Variants in GMDS observed in about 807,000 individuals in gnomAD.
The protein encoded by GMDS is GDP-mannose 4,6-dehydratase.
GMDS carries 20 observed loss-of-function variants against 49.9 expected under a neutral mutation model. That is an observed-to-expected ratio of 0.40 (90% CI 0.28 to 0.58). The LOEUF (loss-of-function observed/expected upper bound fraction) is 0.58, where lower values mean the gene tolerates loss of function less well. GMDS is among the 20% of genes least tolerant of loss of function. GMDS has a pLI of 0.42. For missense variants in GMDS, 362 were observed against 481.4 expected (o/e 0.75, Z 2.32); for synonymous variants, 177 against 178.6 (o/e 0.99, Z 0.07).
intron 7 of GMDS, among the ~76,000 whole-genome samples, chr6:1,847,282 C>G (rs1015758799): frequency 6.6e-6 from 1 of 152,136 alleles, no homozygotes; most frequent in African/African-American, 2.4e-5. Flanking sequence ...TCTGAAACTC[C>G]TGGGCTCAAG....
intron 7 of GMDS, among the ~76,000 whole-genome samples, chr6:1,812,671 C>T (rs1770487255): frequency 1.3e-5 from 2 of 152,096 alleles, no homozygotes; most frequent in South Asian, 2.1e-4. Flanking sequence ...CCGACTGATT[C>T]AGGATCTGCA....
chr6:1,693,153 T>C (rs1199547320), intron 9 of GMDS, among the ~76,000 whole-genome samples: 6 of 152,224 alleles, frequency 3.9e-5, no homozygotes, highest in African/African-American at 1.4e-4. Flanking sequence ...CTGTGGATTT[T>C]AATCTTTTCC....
chr6:1,978,164 A>G (rs1412272391), intron 4 of GMDS, among the ~76,000 whole-genome samples: 1 of 152,040 alleles, frequency 6.6e-6, no homozygotes, highest in African/African-American at 2.4e-5. Context: ...TGGAGAGTCC[A>G]AAGGGTCCCA....
At chr6:1,676,335 A>G (rs1764623026) in intron 9 of GMDS, among the ~76,000 whole-genome samples, 1 of 152,262 alleles carries the variant, frequency 6.6e-6, no homozygotes, top group Non-Finnish European at 1.5e-5. Flanking sequence ...AAGAATCAAT[A>G]TCGTGAAAAT....
intron 7 of GMDS, among the ~76,000 whole-genome samples, chr6:1,747,412 CTGGTGCTT>C (rs1292218377): frequency 6.6e-6 from 1 of 150,558 alleles, no homozygotes; most frequent in Non-Finnish European, 1.5e-5. Context: ...CTTTTTCACC[CTGGTGCTT>C]TTGTGCTTTA....
chr6:1,959,335 A>G (rs538819281), intron 6 of GMDS, among the ~76,000 whole-genome samples: 88 of 152,334 alleles, frequency 5.8e-4, no homozygotes, highest in African/African-American at 2.1e-3. Context: ...TACTCCATAA[A>G]AATGTGTCAA....
At chr6:1,721,541 G>C (rs1424107916) in intron 9 of GMDS, among the ~76,000 whole-genome samples, 1 of 152,056 alleles carries the variant, frequency 6.6e-6, no homozygotes, top group Non-Finnish European at 1.5e-5. Context: ...AAAAATACTT[G>C]ATTTGGGTCT....
intron 7 of GMDS, among the ~76,000 whole-genome samples, chr6:1,826,875 T>G (rs1208115064): frequency 1.3e-5 from 2 of 151,972 alleles, no homozygotes; most frequent in Non-Finnish European, 2.9e-5. Flanking sequence ...GAGAGTAGTC[T>G]GTGCAGCATA....
chr6:1,948,304 A>G (rs533120151), intron 6 of GMDS, among the ~76,000 whole-genome samples: 1 of 152,352 alleles, frequency 6.6e-6, no homozygotes, highest in East Asian at 1.9e-4. Flanking sequence ...TCAAAAACTT[A>G]AGAATGTTAT....
rs374799698 is a variant in GMDS, at chr6:1,861,244, G to A, written c.771+68859C>T. Among the ~76,000 whole-genome samples, 4 of 152,316 alleles carry A rather than the reference G, an allele frequency of 2.6e-5. No individual in the cohort carries two copies. In the East Asian group the frequency reaches 5.8e-4, roughly 22 times the overall value. ...TGACATCTCTAAAGTTCTGGGCTCA[G>A]TCCTGTGTTGAGTTAGTGTTCATTC... On this transcript the variant is annotated intron_variant, in intron 7 of 10. Transcript: ENST00000380815.
intron 7 of GMDS, among the ~76,000 whole-genome samples, chr6:1,852,619 T>A (rs1257798651): frequency 6.6e-6 from 1 of 152,126 alleles, no homozygotes; most frequent in Non-Finnish European, 1.5e-5. Context: ...TTTCTTAGTG[T>A]CTTTTTTTTT....
At chr6:2,124,435 G>A (rs111850484) in intron 2 of GMDS, among the ~76,000 whole-genome samples, 20 of 152,288 alleles carry the variant, frequency 1.3e-4, no homozygotes, top group African/African-American at 4.6e-4. Flanking sequence ...CTGCGTTATC[G>A]GAGAATGTGG....
At chr6:1,922,200 A>T (rs1372821484) in intron 7 of GMDS, among the ~76,000 whole-genome samples, 1 of 152,208 alleles carries the variant, frequency 6.6e-6, no homozygotes, top group Admixed American at 6.5e-5. Context: ...TGCTAGGAAG[A>T]CAGGAACGAT....
intron 7 of GMDS, among the ~76,000 whole-genome samples, chr6:1,919,418 T>C (rs1238185836): frequency 6.6e-6 from 1 of 152,368 alleles, no homozygotes; most frequent in African/African-American, 2.4e-5. Context: ...AATTTCCATA[T>C]GAGGCTTAGG....
At chr6:1,949,794 GGACA>G (rs1259332659) in intron 6 of GMDS, among the ~76,000 whole-genome samples, 2 of 152,128 alleles carry the variant, frequency 1.3e-5, no homozygotes, top group East Asian at 1.9e-4. Flanking sequence ...AACCATTTAT[GGACA>G]GACAAATGGT....
At chr6:1,790,766 A>G (rs1233770612) in intron 7 of GMDS, among the ~76,000 whole-genome samples, 2 of 152,194 alleles carry the variant, frequency 1.3e-5, no homozygotes, top group East Asian at 3.8e-4. Context: ...ATTGACAACA[A>G]TCGTGATACT....
At chr6:1,687,106 G>A (rs1016720366) in intron 9 of GMDS, among the ~76,000 whole-genome samples, 3 of 152,130 alleles carry the variant, frequency 2.0e-5, no homozygotes, top group African/African-American at 7.2e-5. Flanking sequence ...TCCAGGACAA[G>A]AGGCGCCACC....
At chr6:1,728,945 T>TA (rs1403274959) in intron 8 of GMDS, among the ~76,000 whole-genome samples, 1,884 of 135,498 alleles carry the variant, frequency 0.014, 14 homozygotes, top group Middle Eastern at 0.044. Context: ...TCCAGGACAG[T>TA]AAAAAAAAAA....
At chr6:1,690,315 T>C (rs1765128861) in intron 9 of GMDS, among the ~76,000 whole-genome samples, 1 of 152,226 alleles carries the variant, frequency 6.6e-6, no homozygotes, top group Non-Finnish European at 1.5e-5. Flanking sequence ...CTATGTATGG[T>C]ATTGCCTAGA....
Sources: allele counts gnomAD v4.1 joint callset (sites outside exome capture counted in the v4.1 genomes callset), GRCh38; gene constraint gnomAD v4.1.1; transcripts MANE v1.5; gene names NCBI Gene and HGNC (gene_info 2026-07-23, HGNC 2026-07-21).